IGF2BP2: variants seen among roughly 807,000 people sequenced by gnomAD.
IGF2BP2 encodes insulin-like growth factor 2 mRNA-binding protein 2.
IGF2BP2 carries 17 observed loss-of-function variants against 75.8 expected under a neutral mutation model. The observed-to-expected ratio is 0.22, with a 90% CI of 0.15 to 0.34. The LOEUF (loss-of-function observed/expected upper bound fraction) is 0.34, where lower values mean the gene tolerates loss of function less well. Ranked by LOEUF, IGF2BP2 falls within the 10% of genes least tolerant of loss-of-function variation. The probability of loss-of-function intolerance (pLI) is 1.00; values close to 1 mark genes in which losing one functional copy is unlikely to be tolerated. For synonymous variants in IGF2BP2, 288 were observed against 295.6 expected (o/e 0.97, Z 0.26); for missense variants, 516 against 772.4 (o/e 0.67, Z 3.93).
At chr3:185,646,876 T>C (rs1365642868) in intron 15 of IGF2BP2, 149 bp downstream of exon 15, 1 of 642,198 alleles carries the variant, frequency 1.6e-6, no homozygotes, top group Non-Finnish European at 2.8e-6. Flanking sequence ...CCGGGGGCCA[T>C]CCCTAAAGAG....
Position 185,675,253 on chromosome 3 carries a change from A to G in IGF2BP2, c.1071+43T>C, listed in dbSNP as rs373684929. ...CATTAGCTGAATGGCAAGTATTTTT[A>G]GCCTAGTGAAAACCAGCGGAGAAGA... On this transcript the variant is annotated intron_variant, in intron 9 of 15. Coordinates refer to ENST00000382199, the MANE Select transcript of IGF2BP2 (RefSeq NM_006548.6). 3.2e-5 allele frequency: 50 copies of G among 1,585,656 alleles called. No individual in the cohort carries two copies. In the African/African-American group the frequency reaches 5.9e-4, roughly 19 times the overall value.
At chr3:185,823,283 G>T (rs907631672) in intron 1 of IGF2BP2, 70 bp from the exon 2 acceptor site, 3 of 1,218,478 alleles carry the variant, frequency 2.5e-6, no homozygotes, top group Admixed American at 2.2e-5. Flanking sequence ...GGGGGGGCAC[G>T]CACGGAACTC....
chr3:185,709,996 A>C (rs1389955885), intron 2 of IGF2BP2, among the ~76,000 whole-genome samples: 2 of 152,202 alleles, frequency 1.3e-5, no homozygotes, highest in Non-Finnish European at 2.9e-5. Flanking sequence ...TTATAGGCTA[A>C]GCACTTATGT....
intron 15 of IGF2BP2, chr3:185,646,819 A>G (rs1485529560): frequency 1.7e-6 from 1 of 588,452 alleles, no homozygotes; most frequent in Non-Finnish European, 3.0e-6. Context: ...TAGCATACAT[A>G]CCTCGGGGAT....
rs1355833256 is a variant in IGF2BP2, at chr3:185,821,016, G to A, written c.239+2137C>T. On this transcript the variant is annotated intron_variant, in intron 2 of 15. Coordinates refer to ENST00000382199, the MANE Select transcript of IGF2BP2 (RefSeq NM_006548.6). ...TGGTTTCAAATGTCACAGTACCCTG[G>A]ATTTAGAAAGCCATCAACGTGGTAG... is the stretch of plus-strand genomic sequence containing the variant. 4 of 1,535,514 alleles carry A rather than the reference G, an allele frequency of 2.6e-6. No individual in the cohort carries two copies. In the Admixed American group the frequency reaches 7.9e-5, roughly 30 times the overall value.
At chr3:185,718,150 A>T (rs1372960775) in intron 2 of IGF2BP2, 1 of 152,242 alleles carries the variant, frequency 6.6e-6, no homozygotes, top group East Asian at 1.9e-4. Flanking sequence ...CTGTAAATAA[A>T]GTTTTATCAA....
intron 12 of IGF2BP2, among the ~76,000 whole-genome samples, chr3:185,656,308 C>T (rs1047805716): frequency 2.0e-5 from 3 of 152,264 alleles, no homozygotes; most frequent in African/African-American, 7.2e-5. Flanking sequence ...CCTGTCTGTC[C>T]ACTCTGCAGA....
intron 2 of IGF2BP2, among the ~76,000 whole-genome samples, chr3:185,754,068 G>T (rs1384918310): frequency 6.6e-6 from 1 of 152,038 alleles, no homozygotes; most frequent in African/African-American, 2.4e-5. Context: ...CATTAGCTGG[G>T]TGTTGTGGTG....
intron 2 of IGF2BP2, among the ~76,000 whole-genome samples, chr3:185,762,496 G>C (rs1411542617): frequency 6.8e-6 from 1 of 147,974 alleles, no homozygotes; most frequent in Non-Finnish European, 1.5e-5. Context: ...TCATGCCACT[G>C]CACTCCAGCC....
intron 10 of IGF2BP2, among the ~76,000 whole-genome samples, chr3:185,660,374 T>TC (rs370704019): frequency 6.6e-6 from 1 of 152,020 alleles, no homozygotes; most frequent in African/African-American, 2.4e-5. Context: ...ATGCCCTCCA[T>TC]CCCCCGAATC....
At chr3:185,702,907 A>G (rs1053411230) in intron 2 of IGF2BP2, among the ~76,000 whole-genome samples, 1 of 152,234 alleles carries the variant, frequency 6.6e-6, no homozygotes, top group Non-Finnish European at 1.5e-5. Flanking sequence ...TGGAAGCAGA[A>G]TAAGACCTGA....
In IGF2BP2 at chr3:185,823,228, T is replaced by C; in HGVS notation, c.179-15A>G. 6.2e-7 allele frequency: 1 copy of C among 1,602,010 alleles called. No individual in the cohort carries two copies. Among genetic ancestry groups the C allele is most frequent in the Non-Finnish European group, 8.5e-7 (1 of 1,171,992 alleles). Reference sequence around the variant, plus strand: ...TTCCACTTTACCTTTAAAACAGAAATTAAAGCACTCAGAACCTTGCTTAGA... The same window carrying C: ...TTCCACTTTACCTTTAAAACAGAAACTAAAGCACTCAGAACCTTGCTTAGA... On this transcript the variant is annotated splice_polypyrimidine_tract_variant and intron_variant, in intron 1 of 15. Coordinates refer to ENST00000382199, the MANE Select transcript of IGF2BP2 (RefSeq NM_006548.6).
At chr3:185,790,834 T>G (rs1736549898) in intron 2 of IGF2BP2, among the ~76,000 whole-genome samples, 1 of 152,260 alleles carries the variant, frequency 6.6e-6, no homozygotes, top group African/African-American at 2.4e-5. Context: ...CAAGTTACTA[T>G]AAGACTTTAT....
At chr3:185,787,134 G>C (rs532851022) in intron 2 of IGF2BP2, among the ~76,000 whole-genome samples, 2 of 152,242 alleles carry the variant, frequency 1.3e-5, no homozygotes, top group Admixed American at 6.5e-5. Context: ...GGCTGGAAGG[G>C]GGGCAATGGC....
At chr3:185,696,764 G>C (rs56392101) in intron 3 of IGF2BP2, 101 bp from the exon 4 acceptor site, 50,909 of 949,726 alleles carry the variant, frequency 0.054, 1,467 homozygotes, top group African/African-American at 0.058. Flanking sequence ...GGAAAAAAAA[G>C]ATGGTTATAG....
intron 12 of IGF2BP2, among the ~76,000 whole-genome samples, 153 bp downstream of exon 12, chr3:185,657,133 A>G (rs1715568543): frequency 6.6e-6 from 1 of 152,186 alleles, no homozygotes; most frequent in Non-Finnish European, 1.5e-5. Context: ...GAAAGATGAG[A>G]GCGGACGGGA....
At chr3:185,703,356 A>G (rs1352575218) in intron 2 of IGF2BP2, among the ~76,000 whole-genome samples, 1 of 152,218 alleles carries the variant, frequency 6.6e-6, no homozygotes, top group African/African-American at 2.4e-5. Flanking sequence ...CAGATAAGCT[A>G]GATGTCCATT....
At position 185,698,414 on chromosome 3, in the gene IGF2BP2, C is replaced by A. The variant is rs561160896; in HGVS notation, c.240-67G>T. On this transcript the variant is annotated intron_variant, in intron 2 of 15. Coordinates refer to ENST00000382199, the MANE Select transcript of IGF2BP2 (RefSeq NM_006548.6). ...CACAAACTACAGCAAATAATAAAAACCGGCTTAAACCCGTCATTTGAATTT... is the reference window on the plus strand; with the variant it reads ...CACAAACTACAGCAAATAATAAAAAACGGCTTAAACCCGTCATTTGAATTT... The A allele has an allele frequency of 5.6e-6, 8 of 1,416,040 alleles. No individual in the cohort carries two copies. The South Asian group carries it at 7.1e-5, about 13-fold the overall frequency. The allele number at this position is 1,416,040 out of a possible 1,614,324, so 87.7% of individuals were successfully genotyped here.
rs1222008509 is a variant in IGF2BP2 at position 185,665,486 on chromosome 3, AGG to A, written c.1200+7053_1200+7054del. Among the ~76,000 whole-genome samples, 75 of 70,934 alleles carry A rather than the reference AGG, an allele frequency of 1.1e-3. 1 individual carries two copies. Among genetic ancestry groups the A allele is most frequent in the Admixed American group, 1.7e-3 (14 of 8,304 alleles). 46.5% of individuals were successfully genotyped at this position (70,934 alleles called of 152,430 possible). ...AAGAAGAAGAAGAAGGAGAAGAAGGAGGAGAAGGAGGAGGAGAAGGAGGAGGA... is the reference window on the plus strand; with the variant it reads ...AAGAAGAAGAAGAAGGAGAAGAAGGAAGAAGGAGGAGGAGAAGGAGGAGGA... On this transcript the variant is annotated intron_variant, in intron 10 of 15. Coordinates refer to ENST00000382199, the MANE Select transcript of IGF2BP2 (RefSeq NM_006548.6).
Sources: gnomAD v4.1 joint callset for allele counts (sites outside exome capture counted in the v4.1 genomes callset) on GRCh38, gnomAD v4.1.1 for gene constraint, MANE v1.5 for transcripts, NCBI Gene and HGNC (gene_info 2026-07-23, HGNC 2026-07-21) for gene names.